NOX4: variants seen among roughly 807,000 people sequenced by gnomAD.
NOX4 encodes NADPH oxidase 4.
A neutral mutation model predicts 87.6 loss-of-function variants in NOX4; 69 were observed. The ratio of observed to expected loss-of-function variants is 0.79; its 90% CI spans 0.65 to 0.96. NOX4 has a LOEUF of 0.96. NOX4 is among the 40% of genes least tolerant of loss of function. The pLI is 0.00. For missense variants in NOX4, 680 were observed against 681.5 expected, an observed-to-expected ratio of 1.00 and a Z score of 0.02; for synonymous variants, 275 against 238.2, an observed-to-expected ratio of 1.15 and a Z score of -1.42.
the NOX4 span, among the ~76,000 whole-genome samples, chr11:89,579,418 T>A: frequency 1.3e-5 from 2 of 151,948 alleles, no homozygotes; most frequent in Non-Finnish European, 2.9e-5. Context: ...AGAGAGTGTG[T>A]GGGAAATCTC....
At chr11:89,473,919 C>T (rs1212841404) in intron 2 of NOX4, among the ~76,000 whole-genome samples, 1 of 152,126 alleles carries the variant, frequency 6.6e-6, no homozygotes, top group Non-Finnish European at 1.5e-5. Context: ...ACAGTAGGTA[C>T]TCAGTTAAGA....
At chr11:89,403,802 T>A (rs1942015697) in intron 8 of NOX4, among the ~76,000 whole-genome samples, 1 of 152,144 alleles carries the variant, frequency 6.6e-6, no homozygotes, top group African/African-American at 2.4e-5. Context: ...TAAACAAAAC[T>A]GTATAATGAT....
intron 11 of NOX4, among the ~76,000 whole-genome samples, chr11:89,378,660 T>C (rs1420559084): frequency 6.6e-6 from 1 of 151,954 alleles, no homozygotes; most frequent in African/African-American, 2.4e-5. Flanking sequence ...GAGAAAAATA[T>C]AGGAAGAAAA....
At chr11:89,501,378 G>C (rs890813730), upstream of NOX4, among the ~76,000 whole-genome samples, 1 of 151,970 alleles carries the variant, frequency 6.6e-6, no homozygotes, top group African/African-American at 2.4e-5. Context: ...GGTAAAGAGC[G>C]GTAGTTTTGG....
At chr11:89,372,214 C>G (rs142070747) in intron 12 of NOX4, among the ~76,000 whole-genome samples, 1 of 151,846 alleles carries the variant, frequency 6.6e-6, no homozygotes, top group East Asian at 1.9e-4. Context: ...CCTTTAAGTA[C>G]CTTCAAGTCT....
At chr11:89,362,800 C>T (rs1255491157) in intron 12 of NOX4, among the ~76,000 whole-genome samples, 1 of 151,922 alleles carries the variant, frequency 6.6e-6, no homozygotes, top group East Asian at 1.9e-4. Flanking sequence ...CACACCAATG[C>T]AGACACACAA....
the NOX4 span, among the ~76,000 whole-genome samples, chr11:89,566,569 A>G: frequency 6.6e-6 from 1 of 151,852 alleles, no homozygotes; most frequent in East Asian, 1.9e-4. Flanking sequence ...TTCTCTGTAG[A>G]AGACATATAC....
chr11:89,565,547 T>A, the NOX4 span, among the ~76,000 whole-genome samples: 2 of 152,104 alleles, frequency 1.3e-5, no homozygotes, highest in Admixed American at 6.5e-5. Flanking sequence ...TATTAGGAAC[T>A]TTTTTTCTAA....
chr11:89,582,583 T>C, the NOX4 span, among the ~76,000 whole-genome samples: 1 of 152,138 alleles, frequency 6.6e-6, no homozygotes, highest in Non-Finnish European at 1.5e-5. Context: ...CCCAATATAC[T>C]AGACCTGGTA....
chr11:89,440,633 C>T, intron 6 of NOX4, 55 bp downstream of exon 6: 1 of 1,279,210 alleles, frequency 7.8e-7, no homozygotes, highest in Non-Finnish European at 1.1e-6. Context: ...TCCGATAATG[C>T]CTACTTTTAA....
chr11:89,440,725 AG>A lies in NOX4; in HGVS notation c.448-11del. The A allele has an allele frequency of 6.7e-7, 1 of 1,486,480 alleles. No homozygotes were observed. Among genetic ancestry groups the A allele is most frequent in the South Asian group, 1.2e-5 (1 of 82,786 alleles). 92.1% of individuals were successfully genotyped at this position (1,486,480 alleles called of 1,614,324 possible). ...GAAGTTTTCTAGGATCCTGAGAAAA[AG>A]AAAAAAAAATAAATGATTAAAAACT... On this transcript the variant is annotated splice_polypyrimidine_tract_variant and intron_variant, in intron 5 of 17. Transcript: ENST00000263317.
chr11:89,386,478 G>C (rs1399891840), intron 11 of NOX4, among the ~76,000 whole-genome samples: 1 of 152,034 alleles, frequency 6.6e-6, no homozygotes, highest in Non-Finnish European at 1.5e-5. Flanking sequence ...CCCTGATGAA[G>C]TCCTATTCTT....
chr11:89,367,039 T>C (rs981671712), intron 12 of NOX4, among the ~76,000 whole-genome samples: 1 of 152,140 alleles, frequency 6.6e-6, no homozygotes, highest in Non-Finnish European at 1.5e-5. Context: ...TCTGAGGCTG[T>C]AGAATTTATG....
chr11:89,421,785 C>T (rs1943094861), intron 8 of NOX4, 117 bp downstream of exon 8: 1 of 574,860 alleles, frequency 1.7e-6, no homozygotes, highest in Non-Finnish European at 3.1e-6. Context: ...AGTAGAGAAA[C>T]TATTTCTTTC....
At chr11:89,489,206 GA>G (rs1358524996) in intron 2 of NOX4, among the ~76,000 whole-genome samples, 1 of 152,030 alleles carries the variant, frequency 6.6e-6, no homozygotes, top group African/African-American at 2.4e-5. Context: ...TGGGTACTGA[GA>G]ATTACAGATA....
At chr11:89,481,893 C>T (rs1182273615) in intron 2 of NOX4, among the ~76,000 whole-genome samples, 2 of 152,060 alleles carry the variant, frequency 1.3e-5, no homozygotes, top group African/African-American at 4.8e-5. Flanking sequence ...ACTAGGGCTA[C>T]GACGACTGCT....
chr11:89,572,996 C>T, the NOX4 span, among the ~76,000 whole-genome samples: 3 of 151,822 alleles, frequency 2.0e-5, no homozygotes, highest in Non-Finnish European at 4.4e-5. Context: ...AGCATTTATT[C>T]CTCTTTTACT....
intron 1 of NOX4, among the ~76,000 whole-genome samples, chr11:89,497,617 C>T (rs536451206): frequency 1.3e-5 from 2 of 152,260 alleles, no homozygotes; most frequent in Non-Finnish European, 2.9e-5. Flanking sequence ...CGTCTTTGCA[C>T]ACTTAGAGGG....
the NOX4 span, among the ~76,000 whole-genome samples, chr11:89,583,647 C>T: frequency 3.3e-5 from 5 of 152,004 alleles, no homozygotes; most frequent in Admixed American, 1.3e-4. Flanking sequence ...TAAGTTATCC[C>T]CTTAATTAAG....
Sources: allele counts gnomAD v4.1 joint callset (sites outside exome capture counted in the v4.1 genomes callset), GRCh38; gene constraint gnomAD v4.1.1; transcripts MANE v1.5; gene names NCBI Gene and HGNC (gene_info 2026-07-23, HGNC 2026-07-21).